AKAP19: variants seen among roughly 807,000 people sequenced by gnomAD.
The protein encoded by AKAP19 is A-kinase anchoring protein 19.
At chr2:190,070,501 G>T in the AKAP19 span, among the ~76,000 whole-genome samples, 1 of 150,720 alleles carries the variant, frequency 6.6e-6, no homozygotes. Context: ...TCTGGCCCCT[G>T]CTGGGAACTC....
the AKAP19 span, among the ~76,000 whole-genome samples, chr2:190,072,660 T>C: frequency 6.6e-6 from 1 of 152,156 alleles, no homozygotes; most frequent in Admixed American, 6.5e-5. Context: ...GACCATATTC[T>C]CTGATCACAG....
chr2:189,900,702 A>T, the AKAP19 span, among the ~76,000 whole-genome samples: 2 of 151,964 alleles, frequency 1.3e-5, no homozygotes, highest in African/African-American at 4.8e-5. Flanking sequence ...GTGGGTGTCG[A>T]CTCTCTGGGG....
the AKAP19 span, among the ~76,000 whole-genome samples, chr2:190,051,752 G>A: frequency 2.6e-5 from 4 of 152,038 alleles, no homozygotes; most frequent in African/African-American, 9.7e-5. Context: ...TTTTACTGGC[G>A]TATCTACAGG....
At chr2:189,922,468 C>G in the AKAP19 span, among the ~76,000 whole-genome samples, 1 of 152,216 alleles carries the variant, frequency 6.6e-6, no homozygotes, top group Admixed American at 6.5e-5. Flanking sequence ...GTAGATTCAG[C>G]AGATACAGTT....
At chr2:190,064,902 A>G in the AKAP19 span, among the ~76,000 whole-genome samples, 1 of 152,180 alleles carries the variant, frequency 6.6e-6, no homozygotes, top group East Asian at 1.9e-4. Flanking sequence ...CTTATTATTC[A>G]TGATTTCTGT....
At chr2:189,930,380 G>A in the AKAP19 span, 1 of 394,902 alleles carries the variant, frequency 2.5e-6, no homozygotes, top group South Asian at 3.3e-5. Context: ...TACATGCACG[G>A]TAGAAATTGA....
chr2:190,136,494 C>A, the AKAP19 span, among the ~76,000 whole-genome samples: 2 of 152,144 alleles, frequency 1.3e-5, no homozygotes, highest in African/African-American at 4.8e-5. Flanking sequence ...CAGTCATGCA[C>A]GCAGATGATC....
the AKAP19 span, among the ~76,000 whole-genome samples, chr2:190,138,942 G>A: frequency 6.6e-6 from 1 of 152,176 alleles, no homozygotes; most frequent in South Asian, 2.1e-4. Context: ...TGAAAGGAAG[G>A]ATAAGAATAT....
the AKAP19 span, among the ~76,000 whole-genome samples, chr2:190,170,131 G>C: frequency 6.6e-6 from 1 of 152,194 alleles, no homozygotes; most frequent in Non-Finnish European, 1.5e-5. Flanking sequence ...TCTGGTGAGG[G>C]CTGTCAAGGA....
the AKAP19 span, among the ~76,000 whole-genome samples, chr2:189,948,858 TAGAA>T: frequency 6.6e-6 from 1 of 152,176 alleles, no homozygotes; most frequent in African/African-American, 2.4e-5. Flanking sequence ...GTATTCAGCT[TAGAA>T]AGACCTTTCA....
chr2:189,947,129 A>T, the AKAP19 span, among the ~76,000 whole-genome samples: 1 of 152,196 alleles, frequency 6.6e-6, no homozygotes, highest in African/African-American at 2.4e-5. Flanking sequence ...GCACTGATAA[A>T]TTTTTCTTTT....
chr2:190,008,305 C>T, the AKAP19 span, among the ~76,000 whole-genome samples: 2 of 152,082 alleles, frequency 1.3e-5, no homozygotes, highest in African/African-American at 4.8e-5. Context: ...CAATCCTAAT[C>T]ATAAAATGTT....
chr2:190,175,064 T>C, the AKAP19 span, among the ~76,000 whole-genome samples: 3 of 145,732 alleles, frequency 2.1e-5, no homozygotes, highest in Non-Finnish European at 4.5e-5. Context: ...GTAGGGGTGG[T>C]AGAATAAATA....
the AKAP19 span, among the ~76,000 whole-genome samples, chr2:190,018,293 TTGA>T: frequency 1.3e-5 from 2 of 152,124 alleles, no homozygotes; most frequent in Non-Finnish European, 2.9e-5. Flanking sequence ...TTTTTACCTC[TTGA>T]TGATGTCTTA....
the AKAP19 span, among the ~76,000 whole-genome samples, chr2:189,905,080 T>C: frequency 2.0e-5 from 3 of 152,016 alleles, no homozygotes; most frequent in Admixed American, 6.6e-5. Context: ...TACAAATAAA[T>C]GTATTACTCA....
At chr2:190,187,152 C>T in the AKAP19 span, among the ~76,000 whole-genome samples, 2 of 151,482 alleles carry the variant, frequency 1.3e-5, no homozygotes, top group South Asian at 2.1e-4. Flanking sequence ...ATTTGAAAGA[C>T]ATTTTATATA....
the AKAP19 span, among the ~76,000 whole-genome samples, chr2:189,944,807 C>T: frequency 2.0e-5 from 3 of 152,166 alleles, no homozygotes; most frequent in Non-Finnish European, 4.4e-5. Context: ...TTTTCATCAA[C>T]ACATGGAAAA....
the AKAP19 span, among the ~76,000 whole-genome samples, chr2:190,036,678 A>G: frequency 6.6e-6 from 1 of 152,082 alleles, no homozygotes; most frequent in Admixed American, 6.6e-5. Flanking sequence ...AAGGTGCTTT[A>G]CTTAGTTCTT....
chr2:190,019,043 A>C, the AKAP19 span, among the ~76,000 whole-genome samples: 1 of 152,166 alleles, frequency 6.6e-6, no homozygotes. Context: ...ATTCTGCAGT[A>C]AAATAGGGTT....
Sources: allele counts gnomAD v4.1 joint callset (sites outside exome capture counted in the v4.1 genomes callset), GRCh38; gene constraint gnomAD v4.1.1; transcripts MANE v1.5; gene names NCBI Gene and HGNC (gene_info 2026-07-23, HGNC 2026-07-21).